Variants in FHL1 observed in about 807,000 individuals in gnomAD.
FHL1 encodes four and a half LIM domains protein 1.
FHL1 carries 1 observed loss-of-function variant against 20.3 expected under a neutral mutation model. The observed-to-expected ratio is 0.05, with a 90% CI of 0.02 to 0.23. FHL1 has a LOEUF of 0.23. Among genes scored for constraint, FHL1 ranks in the 10% least tolerant of loss-of-function variants. FHL1 has a pLI of 1.00. For synonymous variants in FHL1, 82 were observed against 88.9 expected, an observed-to-expected ratio of 0.92 and a Z score of 0.44; for missense variants, 177 against 234.0, an observed-to-expected ratio of 0.76 and a Z score of 1.59.
upstream of FHL1, chrX:136,146,996 T>G (rs2072111319): frequency 3.2e-6 from 1 of 314,983 alleles, no homozygotes; most frequent in South Asian, 2.8e-5. Context: ...CGGGGCCGCT[T>G]TTCAGGGAGT....
chrX:136,209,707 G>C lies in FHL1; in HGVS notation c.737-164G>C, dbSNP rs769930579. Among the ~76,000 whole-genome samples the C allele has an allele frequency of 1.0e-4, 11 of 110,370 alleles. No individual in the cohort carries two copies. The East Asian group carries it at 2.0e-3, about 20-fold the overall frequency. On this transcript the variant is annotated intron_variant, in intron 5 of 5. Coordinates refer to ENST00000370683, the MANE Select transcript of FHL1 (RefSeq NM_001159699.2). ...GGCGTGGGGGACTGTGCACGATGGAGTGGAGGAGGGGGTCTGGGAGCCAGG... is the reference window on the plus strand; with the variant it reads ...GGCGTGGGGGACTGTGCACGATGGACTGGAGGAGGGGGTCTGGGAGCCAGG...
intron 1 of FHL1, among the ~76,000 whole-genome samples, chrX:136,199,477 G>C (rs887471880): frequency 1.8e-5 from 2 of 112,466 alleles, no homozygotes; most frequent in African/African-American, 6.5e-5. Context: ...CGTGACTCAT[G>C]AGCTCCGTCT....
chrX:136,148,269 G>C (rs1697312056), intron 1 of FHL1: 1 of 98,700 alleles, frequency 1.0e-5, no homozygotes, highest in African/African-American at 3.8e-5. Flanking sequence ...TAGACGTGAG[G>C]GGGCCCGCCT....
Position 136,210,865 on chromosome X carries a change from T to G in FHL1, c.*840T>G, listed in dbSNP as rs1445557551. On this transcript the variant is annotated 3_prime_UTR_variant, in exon 6 of 6. Transcript: ENST00000370683. The stretch of plus-strand genomic sequence containing the variant: ...CAAAATAGTTTATGGGTTTGGAAAC[T>G]TGCATGAAAATATTTTAGCCCCCTC... 1 of 385,377 alleles carries G rather than the reference T, an allele frequency of 2.6e-6. No individual in the cohort carries two copies. The highest frequency in any genetic ancestry group is 4.9e-6 in the Non-Finnish European group (1 of 204,365). The allele number at this position is 385,377 out of a possible 1,213,427, so 31.8% of individuals were successfully genotyped here. A position where few individuals can be genotyped will look rare whatever the true frequency, so the allele number is the denominator to read the frequency against.
At chrX:136,169,812 T>A (rs1349756363) in intron 1 of FHL1, 1 of 331,194 alleles carries the variant, frequency 3.0e-6, no homozygotes, top group Admixed American at 3.1e-5. Context: ...CATGAGCCAT[T>A]TCATAGGAAG....
intron 5 of FHL1, chrX:136,209,075 T>G (rs2073934442): frequency 2.2e-6 from 1 of 458,501 alleles, no homozygotes; most frequent in Non-Finnish European, 3.6e-6. Context: ...GTTTCTTTTT[T>G]TTTTGGTTTG....
chrX:136,151,991 T>G (rs1448092806), intron 1 of FHL1, among the ~76,000 whole-genome samples: 1 of 111,856 alleles, frequency 8.9e-6, no homozygotes, highest in Non-Finnish European at 1.9e-5. Context: ...TTATCTCCCT[T>G]GCGGCATGCA....
chrX:136,195,072 A>C (rs2073523917), upstream of FHL1, among the ~76,000 whole-genome samples: 1 of 112,125 alleles, frequency 8.9e-6, no homozygotes, highest in African/African-American at 3.2e-5. Flanking sequence ...CTTGTCTTTG[A>C]ATTTTCTCTT....
At position 136,158,599 on chromosome X, in the gene FHL1, A is replaced by G. The variant is rs6633809; in HGVS notation, c.-101+10971A>G. On this transcript the variant is annotated intron_variant, in intron 1 of 7. Coordinates refer to the FHL1 transcript ENST00000394155. The stretch of plus-strand genomic sequence containing the variant: ...CCGAGAGGGCAGCAGACTAATTCCA[A>G]TGTGTCAGATAGCATCTTGGAGGCT... 2.3e-3 allele frequency among the ~76,000 whole-genome samples: 251 copies of G among 110,973 alleles called. 1 individual carries two copies. The highest frequency in any genetic ancestry group is 7.8e-3 in the African/African-American group (238 of 30,544).
chrX:136,155,168 C>T (rs2072379672), intron 1 of FHL1, among the ~76,000 whole-genome samples: 1 of 111,757 alleles, frequency 8.9e-6, no homozygotes, highest in African/African-American at 3.3e-5. Flanking sequence ...ACTCACTTTC[C>T]TTTTTCCAGG....
rs187855132 is a variant in FHL1, at chrX:136,202,185, C to T, written c.23-4222C>T. Among the ~76,000 whole-genome samples, 825 of 110,096 alleles carry T rather than the reference C, an allele frequency of 7.5e-3. 9 individuals are homozygous for T. Among genetic ancestry groups the T allele is most frequent in the African/African-American group, 0.026 (779 of 30,245 alleles). On this transcript the variant is annotated intron_variant, in intron 1 of 5. Transcript: ENST00000370683. ...TTCAAGACCAGCCTGCCCGACATGG[C>T]GAAACCCCGTCTCTACTAAAAATAC...
intron 1 of FHL1, among the ~76,000 whole-genome samples, chrX:136,199,866 A>G (rs886437918): frequency 8.9e-6 from 1 of 112,453 alleles, no homozygotes; most frequent in South Asian, 3.7e-4. Context: ...AAGATGAACA[A>G]TAGGAAGAAA....
intron 1 of FHL1, among the ~76,000 whole-genome samples, chrX:136,156,736 T>C (rs1489401565): frequency 5.3e-5 from 6 of 112,207 alleles, no homozygotes; most frequent in African/African-American, 9.7e-5. Context: ...TTTATAAGTC[T>C]TGTCACTCAC....
At chrX:136,183,267 A>G (rs2073209524) in intron 2 of FHL1, among the ~76,000 whole-genome samples, 1 of 111,232 alleles carries the variant, frequency 9.0e-6, no homozygotes, top group South Asian at 3.8e-4. Flanking sequence ...GTTGTAAGAA[A>G]TTTACCAGTC....
Position 136,190,440 on chromosome X carries a change from CTTTG to C in FHL1, c.-26-15963_-26-15960del, listed in dbSNP as rs1436234232. Reference sequence around the variant, plus strand: ...AAGTTAGCCAAAGTTTATCCATAAACTTTGTTTTTCTTTTTAAGTTTAATAGGGT... The same window carrying C: ...AAGTTAGCCAAAGTTTATCCATAAACTTTTTCTTTTTAAGTTTAATAGGGT... On this transcript the variant is annotated intron_variant, in intron 2 of 6. Transcript: ENST00000394153. Among the ~76,000 whole-genome samples, 51 of 111,859 alleles carry C rather than the reference CTTTG, an allele frequency of 4.6e-4. No homozygotes were observed. The Admixed American group carries it at 4.6e-3, about 10-fold the overall frequency.
upstream of FHL1, chrX:136,146,787 G>C (rs1360395526): frequency 2.1e-5 from 7 of 328,452 alleles, no homozygotes; most frequent in Non-Finnish European, 3.5e-5. Context: ...GAGTGAATGA[G>C]ACGCCACGCG....
At chrX:136,197,572 G>A (rs1305782958) in intron 1 of FHL1, among the ~76,000 whole-genome samples, 2 of 112,496 alleles carry the variant, frequency 1.8e-5, no homozygotes, top group Non-Finnish European at 3.8e-5. Flanking sequence ...AACTAAGAAA[G>A]TCCATAATGA....
At chrX:136,206,336 C>T (rs2073838498) in intron 1 of FHL1, 71 bp from the exon 2 acceptor site, 3 of 1,173,042 alleles carry the variant, frequency 2.6e-6, no homozygotes, top group Admixed American at 4.3e-5. Context: ...GTGCAGGTGC[C>T]TCTGGGAGCC....
rs1172509007 is a variant in FHL1, at chrX:136,207,123, G to A, written c.312G>A (p.Leu104=). The A allele has an allele frequency of 4.1e-6, 5 of 1,210,125 alleles. No individual in the cohort carries two copies. In the African/African-American group the frequency reaches 8.7e-5, roughly 21 times the overall value. ...ETFVAKDNKI[L]CNKCTTREDS... ...TTGTGGCCAAGGACAACAAGATCCTGTGCAACAAGTGCACCACTCGGGAGG... is the reference window on the plus strand; with the variant it reads ...TTGTGGCCAAGGACAACAAGATCCTATGCAACAAGTGCACCACTCGGGAGG... Residue 104 remains leucine (L), a synonymous_variant, in exon 3 of 6, where the codon CTG becomes CTA. Transcript: ENST00000370683.
Sources: allele counts gnomAD v4.1 joint callset (sites outside exome capture counted in the v4.1 genomes callset), GRCh38; gene constraint gnomAD v4.1.1; transcripts MANE v1.5; gene names NCBI Gene and HGNC (gene_info 2026-07-23, HGNC 2026-07-21).